Variants in ROMO1 observed in about 807,000 individuals in gnomAD.
ROMO1 encodes reactive oxygen species modulator 1.
Under a neutral mutation model 7.4 loss-of-function variants are expected in ROMO1, and 8 were observed. The ratio of observed to expected loss-of-function variants is 1.08; its 90% CI spans 0.63 to 1.95. The LOEUF is 1.95. Ranked by LOEUF, ROMO1 falls within the 30% of genes most tolerant of loss-of-function variation. The probability of loss-of-function intolerance (pLI) is 0.00; values close to 1 mark genes in which losing one functional copy is unlikely to be tolerated. For synonymous variants in ROMO1, 43 were observed against 41.4 expected (o/e 1.04, Z -0.15); for missense variants, 91 against 115.9 (o/e 0.79, Z 0.99).
At chr20:35,700,519 CA>C (rs2035242991) in intron 2 of ROMO1, among the ~76,000 whole-genome samples, 1 of 152,096 alleles carries the variant, frequency 6.6e-6, no homozygotes, top group South Asian at 2.1e-4. Context: ...CAACACCAGT[CA>C]AAAAAGCTGG....
Position 35,699,979 on chromosome 20 carries a change from CT to C in ROMO1, c.131+220del, listed in dbSNP as rs1344658248. Among the ~76,000 whole-genome samples, 1 of 152,146 alleles carries C rather than the reference CT, an allele frequency of 6.6e-6. No individual in the cohort carries two copies. The highest frequency in any genetic ancestry group is 1.5e-5 in the Non-Finnish European group (1 of 68,028). On this transcript the variant is annotated intron_variant, in intron 2 of 2. Coordinates refer to ENST00000374077, the MANE Select transcript of ROMO1 (RefSeq NM_080748.3). This position sits in a 1 kb window ranked among gnomAD's most constrained non-coding sequence, Gnocchi z 4.4. ...TTTAGAGTCAAAATGCTTTCTGGCC[CT>C]TTTCTTACTGGTTCGGTGACTTTAG...
intron 2 of ROMO1, 30 bp from the exon 3 acceptor site, chr20:35,700,768 C>T (rs562438104): frequency 6.3e-7 from 1 of 1,589,120 alleles, no homozygotes; most frequent in Non-Finnish European, 8.6e-7. Context: ...TTTTTGTTAC[C>T]AAATAGCTCC....
chr20:35,700,675 A>C, intron 2 of ROMO1, 123 bp from the exon 3 acceptor site: 1 of 733,354 alleles, frequency 1.4e-6, no homozygotes, highest in Non-Finnish European at 2.5e-6. Flanking sequence ...TATAATATCC[A>C]GTAAGTGGAA....
chr20:35,699,435 C>T lies in ROMO1; in HGVS notation c.-22C>T, dbSNP rs6119641. 1.7e-3 allele frequency: 2,049 copies of T among 1,184,152 alleles called. 33 individuals are homozygous for T. In the African/African-American group the frequency reaches 0.029, roughly 17 times the overall value. The allele number at this position is 1,184,152 out of a possible 1,614,324, so 73.4% of individuals were successfully genotyped here. The stretch of plus-strand genomic sequence containing the variant: ...CCGTGAGAGACGTAGAGCTGAGCGA[C>T]CCAGCCCGCGAGCGAGGTGAGGTAG... On this transcript the variant is annotated 5_prime_UTR_variant, in exon 1 of 3. Coordinates refer to ENST00000374077, the MANE Select transcript of ROMO1 (RefSeq NM_080748.3). This position sits in a 1 kb window ranked among gnomAD's most constrained non-coding sequence, Gnocchi z 4.4.
rs539666809 is a variant in ROMO1 at position 35,699,936 on chromosome 20, G to A, written c.131+173G>A. 3.9e-5 allele frequency among the ~76,000 whole-genome samples: 6 copies of A among 152,332 alleles called. No individual in the cohort carries two copies. Among genetic ancestry groups the A allele is most frequent in the African/African-American group, 1.4e-4 (6 of 41,580 alleles). On this transcript the variant is annotated intron_variant, in intron 2 of 2. Transcript: ENST00000374077. The surrounding 1 kb of genome is among the most constrained non-coding windows in gnomAD (Gnocchi z 4.4). ...CTGTAAAGTCAGGTTGGAAGCGTCA[G>A]TGCTTAAGAATTTGAGCTTTAGAGT...
chr20:35,700,774 G>C, intron 2 of ROMO1, 24 bp from the exon 3 acceptor site: 1 of 1,599,856 alleles, frequency 6.3e-7, no homozygotes, highest in Non-Finnish European at 8.6e-7. Context: ...TTACCAAATA[G>C]CTCCATCTTG....
At chr20:35,700,340 G>A (rs2035237410) in intron 2 of ROMO1, among the ~76,000 whole-genome samples, 2 of 152,232 alleles carry the variant, frequency 1.3e-5, no homozygotes, top group East Asian at 1.9e-4. Flanking sequence ...TAAGCACTGT[G>A]CTAAATACTG....
chr20:35,699,509 C>T lies in ROMO1; in HGVS notation c.-1+53C>T, dbSNP rs1601542007. The T allele has an allele frequency of 7.2e-7, 1 of 1,393,400 alleles. No homozygotes were observed. The highest frequency in any genetic ancestry group is 2.3e-5 in the East Asian group (1 of 42,950). The allele number at this position is 1,393,400 out of a possible 1,614,324, so 86.3% of individuals were successfully genotyped here. ...ACGCGAAGAGGGTGGTGGAGTCGGG[C>T]TACCCACTGATTTTCCTTCCCTTAC... On this transcript the variant is annotated intron_variant, in intron 1 of 2. Coordinates refer to ENST00000374077, the MANE Select transcript of ROMO1 (RefSeq NM_080748.3). This position sits in a 1 kb window ranked among gnomAD's most constrained non-coding sequence, Gnocchi z 4.4.
Position 35,700,980 on chromosome 20 carries a change from A to G in ROMO1, c.*74A>G. 4 of 1,049,056 alleles carry G rather than the reference A, an allele frequency of 3.8e-6. No individual in the cohort carries two copies. Among genetic ancestry groups the G allele is most frequent in the Non-Finnish European group, 6.0e-6 (4 of 667,712 alleles). 65.0% of individuals were successfully genotyped at this position (1,049,056 alleles called of 1,614,324 possible). A position where few individuals can be genotyped will look rare whatever the true frequency, so the allele number is the denominator to read the frequency against. On this transcript the variant is annotated 3_prime_UTR_variant, in exon 3 of 3. Coordinates refer to ENST00000374077, the MANE Select transcript of ROMO1 (RefSeq NM_080748.3). ...TACTAATAAAAGAAAGTCTTTGAGT[A>G]GTCAGTGTCCCTCTCTTAAAGGAAT...
chr20:35,700,579 G>C (rs1046318014), intron 2 of ROMO1, among the ~76,000 whole-genome samples: 3 of 152,068 alleles, frequency 2.0e-5, no homozygotes, highest in African/African-American at 7.2e-5. Flanking sequence ...CAAACTGAAG[G>C]CAGTTAATAC....
intron 2 of ROMO1, 133 bp from the exon 3 acceptor site, chr20:35,700,665 T>C: frequency 1.4e-6 from 1 of 706,498 alleles, no homozygotes; most frequent in Non-Finnish European, 2.6e-6. Flanking sequence ...GGTAGTAAGA[T>C]ATAATATCCA....
chr20:35,699,758 T>C lies in ROMO1; in HGVS notation c.126T>C (p.Cys42=), dbSNP rs751318771. 19 of 1,608,590 alleles carry C rather than the reference T, an allele frequency of 1.2e-5. No homozygotes were observed. The highest frequency in any genetic ancestry group is 1.4e-5 in the Non-Finnish European group (17 of 1,179,540). Residue 42 remains cysteine, a synonymous_variant, in exon 2 of 3, where the codon TGT becomes TGC. Transcript: ENST00000374077. The surrounding 1 kb of genome is among the most constrained non-coding windows in gnomAD (Gnocchi z 4.4). ...AAGALFGTFS[C]LRIGMRGREL... is the part of the protein sequence containing the mutation. ...GGGCGCTCTTCGGCACCTTTTCCTG[T>C]CTCAGGTGAGGGGCGCGGGCGGTGA...
Position 35,699,431 on chromosome 20 carries a change from G to T in ROMO1, c.-26G>T. ...TTTTCCGTGAGAGACGTAGAGCTGA[G>T]CGACCCAGCCCGCGAGCGAGGTGAG... On this transcript the variant is annotated 5_prime_UTR_variant, in exon 1 of 3. Coordinates refer to ENST00000374077, the MANE Select transcript of ROMO1 (RefSeq NM_080748.3). The surrounding 1 kb of genome is among the most constrained non-coding windows in gnomAD (Gnocchi z 4.4). 8.4e-7 allele frequency: 1 copy of T among 1,183,828 alleles called. No individual in the cohort carries two copies. The highest frequency in any genetic ancestry group is 1.1e-6 in the Non-Finnish European group (1 of 871,304). 73.3% of individuals were successfully genotyped at this position (1,183,828 alleles called of 1,614,324 possible). A position where few individuals can be genotyped will look rare whatever the true frequency, so the allele number is the denominator to read the frequency against.
rs1225613138 is a variant in ROMO1, at chr20:35,700,145, TTTTA to T, written c.131+386_131+389del. On this transcript the variant is annotated intron_variant, in intron 2 of 2. Transcript: ENST00000374077. ...CTCAGTAACTAGTTACTACTGTTGC[TTTTA>T]TTTTTTTTTCCAATTGCGCATAAGG... is the stretch of plus-strand genomic sequence containing the variant. Among the ~76,000 whole-genome samples, 7 of 152,240 alleles carry T rather than the reference TTTTA, an allele frequency of 4.6e-5. No individual in the cohort carries two copies. In the East Asian group the frequency reaches 1.4e-3, roughly 30 times the overall value.
At position 35,699,538 on chromosome 20, in the gene ROMO1, C is replaced by T; in HGVS notation, c.-1+82C>T. 1 of 1,544,402 alleles carries T rather than the reference C, an allele frequency of 6.5e-7. No homozygotes were observed. The highest frequency in any genetic ancestry group is 8.8e-7 in the Non-Finnish European group (1 of 1,137,258). On this transcript the variant is annotated intron_variant, in intron 1 of 2. Coordinates refer to ENST00000374077, the MANE Select transcript of ROMO1 (RefSeq NM_080748.3). This position sits in a 1 kb window ranked among gnomAD's most constrained non-coding sequence, Gnocchi z 4.4. ...CCACTGATTTTCCTTCCCTTACTTC[C>T]CCTGAGCCCTTGGGCCCACTTCCCA... is the stretch of plus-strand genomic sequence containing the variant.
rs3088078 is a variant in ROMO1, at chr20:35,700,932, C to T, written c.*26C>T. On this transcript the variant is annotated 3_prime_UTR_variant, in exon 3 of 3. Coordinates refer to ENST00000374077, the MANE Select transcript of ROMO1 (RefSeq NM_080748.3). ...CCATGGTTGCCAACTACATCTGTCC[C>T]TTCCCATCAATCCCAGCCCATGTAC... 78,287 of 1,509,986 alleles carry T rather than the reference C, an allele frequency of 0.052. 3,056 individuals carry two copies. Among genetic ancestry groups the T allele is most frequent in the South Asian group, 0.18 (15,711 of 88,926 alleles). 93.5% of individuals were successfully genotyped at this position (1,509,986 alleles called of 1,614,324 possible). A position where few individuals can be genotyped will look rare whatever the true frequency, so the allele number is the denominator to read the frequency against.
Position 35,699,418 on chromosome 20 carries a change from G to C in ROMO1, c.-39G>C, listed in dbSNP as rs1482778431. ...GCCCTCCCCGTCGTTTTCCGTGAGA[G>C]ACGTAGAGCTGAGCGACCCAGCCCG... On this transcript the variant is annotated 5_prime_UTR_variant, in exon 1 of 3. Coordinates refer to ENST00000374077, the MANE Select transcript of ROMO1 (RefSeq NM_080748.3). The surrounding 1 kb of genome is among the most constrained non-coding windows in gnomAD (Gnocchi z 4.4). 5.0e-6 allele frequency: 6 copies of C among 1,203,816 alleles called. No homozygotes were observed. Among genetic ancestry groups the C allele is most frequent in the East Asian group, 2.8e-5 (1 of 35,814 alleles). The allele number at this position is 1,203,816 out of a possible 1,614,324, so 74.6% of individuals were successfully genotyped here. A position where few individuals can be genotyped will look rare whatever the true frequency, so the allele number is the denominator to read the frequency against.
In ROMO1 at chr20:35,700,900, A is replaced by T. The variant is rs1359736546; in HGVS notation, c.234A>T (p.Arg78=). 6 of 1,609,302 alleles carry T rather than the reference A, an allele frequency of 3.7e-6. No individual in the cohort carries two copies. The South Asian group carries it at 6.6e-5, about 18-fold the overall frequency. ...GTFMAIGMGI[R]C ...TCATGGCCATTGGGATGGGCATCCG[A>T]TGCTAACCATGGTTGCCAACTACAT... Residue 78 remains arginine (R), a synonymous_variant, in exon 3 of 3, where the codon CGA becomes CGT. Transcript: ENST00000374077.
In ROMO1 at chr20:35,699,867, C is replaced by T; in HGVS notation, c.131+104C>T. The T allele has an allele frequency of 2.8e-6, 4 of 1,416,476 alleles. No individual in the cohort carries two copies. The highest frequency in any genetic ancestry group is 4.5e-5 in the Admixed American group (2 of 44,110). The allele number at this position is 1,416,476 out of a possible 1,614,324, so 87.7% of individuals were successfully genotyped here. A position where few individuals can be genotyped will look rare whatever the true frequency, so the allele number is the denominator to read the frequency against. On this transcript the variant is annotated intron_variant, in intron 2 of 2. Coordinates refer to ENST00000374077, the MANE Select transcript of ROMO1 (RefSeq NM_080748.3). This position sits in a 1 kb window ranked among gnomAD's most constrained non-coding sequence, Gnocchi z 4.4. ...ACAGCCTCCTTCTTTCGACTTCCCT[C>T]TCTGTCCCCTCGCGAGCCAGACTCA... is the stretch of plus-strand genomic sequence containing the variant.
Sources: allele counts gnomAD v4.1 joint callset (sites outside exome capture counted in the v4.1 genomes callset), GRCh38; gene constraint gnomAD v4.1.1; non-coding constraint Gnocchi (gnomAD v3.1); transcripts MANE v1.5; gene names NCBI Gene and HGNC (gene_info 2026-07-23, HGNC 2026-07-21).